CYP2J2: variants seen among roughly 807,000 people sequenced by gnomAD.
CYP2J2 encodes the protein cytochrome P450 2J2.
A neutral mutation model predicts 48.8 loss-of-function variants in CYP2J2; 41 were observed. The ratio of observed to expected loss-of-function variants is 0.84; its 90% CI spans 0.66 to 1.09. CYP2J2 has a LOEUF of 1.09. Among genes scored for constraint, CYP2J2 ranks in the 50% least tolerant of loss-of-function variants. The pLI is 0.00. For missense variants in CYP2J2, 644 were observed against 617.3 expected, an observed-to-expected ratio of 1.04 and a Z score of -0.46; for synonymous variants, 221 against 227.1, an observed-to-expected ratio of 0.97 and a Z score of 0.24.
chr1:59,919,852 C>A (rs1396624805), intron 1 of CYP2J2, among the ~76,000 whole-genome samples: 1 of 152,142 alleles, frequency 6.6e-6, no homozygotes, highest in Non-Finnish European at 1.5e-5. Context: ...AGATTAAATT[C>A]ATGTTCAATT....
chr1:59,912,677 T>G lies in CYP2J2; in HGVS notation c.374-366A>C, dbSNP rs528013784. 118 of 184,526 alleles carry G rather than the reference T, an allele frequency of 6.4e-4. 3 individuals carry two copies. In the South Asian group the frequency reaches 0.015, roughly 23 times the overall value. 11.4% of individuals were successfully genotyped at this position (184,526 alleles called of 1,614,324 possible). On this transcript the variant is annotated intron_variant, in intron 2 of 8. Coordinates refer to ENST00000371204, the MANE Select transcript of CYP2J2 (RefSeq NM_000775.4). ...AGTAAGTAAGCAACTAAACAGGTAT[T>G]CAATTTCAGGTCTGCCTTATTCCAA...
the CYP2J2 span, among the ~76,000 whole-genome samples, chr1:59,950,187 A>G: frequency 6.6e-6 from 1 of 152,162 alleles, no homozygotes; most frequent in Non-Finnish European, 1.5e-5. Context: ...TTTGGGTTAG[A>G]GCTTACCAAT....
chr1:59,926,164 T>G (rs1644562034), intron 1 of CYP2J2, among the ~76,000 whole-genome samples: 1 of 152,156 alleles, frequency 6.6e-6, no homozygotes, highest in African/African-American at 2.4e-5. Context: ...TGATCAAGAT[T>G]GAGGTAGTAT....
chr1:59,942,253 G>C, the CYP2J2 span, among the ~76,000 whole-genome samples: 1 of 152,128 alleles, frequency 6.6e-6, no homozygotes, highest in African/African-American at 2.4e-5. Context: ...GGTGACCTAG[G>C]AGGGTCTTGT....
At chr1:59,904,547 A>G (rs901794520) in intron 7 of CYP2J2, 6 of 209,442 alleles carry the variant, frequency 2.9e-5, no homozygotes, top group African/African-American at 1.4e-4. Flanking sequence ...GTTCTGTGAT[A>G]AAGTCTGACC....
At chr1:59,940,822 A>ATG in the CYP2J2 span, among the ~76,000 whole-genome samples, 1 of 152,214 alleles carries the variant, frequency 6.6e-6, no homozygotes, top group African/African-American at 2.4e-5. Context: ...AAATGAAATC[A>ATG]TGTCATTTTT....
At chr1:59,952,372 G>A in the CYP2J2 span, among the ~76,000 whole-genome samples, 1 of 150,336 alleles carries the variant, frequency 6.7e-6, no homozygotes, top group South Asian at 2.1e-4. Flanking sequence ...TTAATAACCA[G>A]CAGATGGCTT....
At chr1:59,895,363 T>G (rs1644259772) in intron 8 of CYP2J2, among the ~76,000 whole-genome samples, 1 of 152,250 alleles carries the variant, frequency 6.6e-6, no homozygotes, top group African/African-American at 2.4e-5. Context: ...TCCTCATGAT[T>G]GGATTCAGGC....
At position 59,912,329 on chromosome 1, in the gene CYP2J2, A is replaced by C; in HGVS notation, c.374-18T>G. 6.2e-7 allele frequency: 1 copy of C among 1,608,050 alleles called. No homozygotes were observed. Among genetic ancestry groups the C allele is most frequent in the Non-Finnish European group, 8.5e-7 (1 of 1,177,344 alleles). The stretch of plus-strand genomic sequence containing the variant: ...AATCAATCCTGGGAAAAAGAAAGTC[A>C]ACATTACAGTATTCTGATTCCATAA... On this transcript the variant is annotated intron_variant, in intron 2 of 8. Coordinates refer to ENST00000371204, the MANE Select transcript of CYP2J2 (RefSeq NM_000775.4).
intron 1 of CYP2J2, among the ~76,000 whole-genome samples, chr1:59,923,636 A>T (rs1644537251): frequency 6.6e-6 from 1 of 152,232 alleles, no homozygotes; most frequent in African/African-American, 2.4e-5. Flanking sequence ...AAGTTTTAGA[A>T]CTGAAAATAC....
At chr1:59,913,870 T>C (rs1018616712) in intron 2 of CYP2J2, among the ~76,000 whole-genome samples, 15 of 152,232 alleles carry the variant, frequency 9.9e-5, no homozygotes, top group African/African-American at 3.6e-4. Flanking sequence ...CCATTAATGT[T>C]AGGATAACAA....
upstream of CYP2J2, among the ~76,000 whole-genome samples, chr1:59,927,972 C>T (rs930747342): frequency 6.6e-6 from 1 of 152,162 alleles, no homozygotes; most frequent in Non-Finnish European, 1.5e-5. Flanking sequence ...TTTACTACAG[C>T]TGTTATGCAT....
At chr1:59,954,754 C>CA in the CYP2J2 span, among the ~76,000 whole-genome samples, 2 of 151,500 alleles carry the variant, frequency 1.3e-5, no homozygotes, top group Non-Finnish European at 2.9e-5. Flanking sequence ...AAGGAGGAGA[C>CA]AAAAAACTAT....
rs199503303 is a variant in CYP2J2 at position 59,907,322 on chromosome 1, G to T, written c.1003+464C>A. Among the ~76,000 whole-genome samples, 28 of 152,310 alleles carry T rather than the reference G, an allele frequency of 1.8e-4. No homozygotes were observed. The East Asian group carries it at 5.0e-3, about 27-fold the overall frequency. On this transcript the variant is annotated intron_variant, in intron 6 of 8. Coordinates refer to ENST00000371204, the MANE Select transcript of CYP2J2 (RefSeq NM_000775.4). ...CATAAATATAGACTGCAAAGAAAGT[G>T]ACGTGTCACTTAGTGAGGCCACCAT...
At chr1:59,947,842 G>C in the CYP2J2 span, among the ~76,000 whole-genome samples, 4 of 151,744 alleles carry the variant, frequency 2.6e-5, no homozygotes, top group African/African-American at 9.7e-5. Context: ...GTATAATCTT[G>C]TGGGCTGGAA....
At chr1:59,894,070 G>A (rs550353766) in intron 8 of CYP2J2, among the ~76,000 whole-genome samples, 1 of 152,308 alleles carries the variant, frequency 6.6e-6, no homozygotes. Context: ...CGAGCTTCCA[G>A]AATGAAGTTG....
chr1:59,940,758 G>C, the CYP2J2 span, among the ~76,000 whole-genome samples: 1 of 152,136 alleles, frequency 6.6e-6, no homozygotes, highest in African/African-American at 2.4e-5. Context: ...CAATAGATTA[G>C]TAGATAAAGA....
the CYP2J2 span, among the ~76,000 whole-genome samples, chr1:59,949,043 GAA>G: frequency 5.4e-5 from 8 of 147,406 alleles, no homozygotes; most frequent in Non-Finnish European, 1.1e-4. Flanking sequence ...CCACATCTCT[GAA>G]AAAAAAAATG....
At chr1:59,901,150 G>T in intron 7 of CYP2J2, 47 bp from the exon 8 acceptor site, 1 of 1,594,482 alleles carries the variant, frequency 6.3e-7, no homozygotes. Context: ...CCATGAAAAA[G>T]CACACCTATG....
Sources: gnomAD v4.1 joint callset for allele counts (sites outside exome capture counted in the v4.1 genomes callset) on GRCh38, gnomAD v4.1.1 for gene constraint, MANE v1.5 for transcripts, NCBI Gene and HGNC (gene_info 2026-07-23, HGNC 2026-07-21) for gene names.